CSMD1: variants seen among roughly 807,000 people sequenced by gnomAD.
CSMD1 encodes CUB and sushi domain-containing protein 1.
In CSMD1, 213 loss-of-function variants were observed where a neutral mutation model predicts 417.5. That is an observed-to-expected ratio of 0.51 (90% CI 0.46 to 0.57). CSMD1 has a LOEUF of 0.57. Among genes scored for constraint, CSMD1 ranks in the 20% least tolerant of loss-of-function variants. The pLI is 0.00. For synonymous variants in CSMD1, 2,862 were observed against 1,736.8 expected (o/e 1.65, Z -16.11); for missense variants, 6,923 against 4,529.7 (o/e 1.53, Z -15.17).
chr8:3,187,660 T>TC (rs1313322741), intron 36 of CSMD1, among the ~76,000 whole-genome samples: 2 of 152,098 alleles, frequency 1.3e-5, no homozygotes, highest in Non-Finnish European at 2.9e-5. Flanking sequence ...TTTAGATTGG[T>TC]CTCCTCCTCG....
At chr8:4,557,606 T>G (rs2130595905) in intron 2 of CSMD1, among the ~76,000 whole-genome samples, 1 of 149,160 alleles carries the variant, frequency 6.7e-6, no homozygotes, top group African/African-American at 2.5e-5. Context: ...TTTGGGGAGG[T>G]GGGGGAAGGG....
At chr8:4,955,741 C>T (rs1809057726) in intron 1 of CSMD1, among the ~76,000 whole-genome samples, 1 of 143,582 alleles carries the variant, frequency 7.0e-6, no homozygotes, top group African/African-American at 2.5e-5. Flanking sequence ...CAGGCGTGAG[C>T]CACCACGCCC....
chr8:3,463,241 C>G (rs893601150), intron 12 of CSMD1, among the ~76,000 whole-genome samples: 1 of 152,174 alleles, frequency 6.6e-6, no homozygotes, highest in African/African-American at 2.4e-5. Flanking sequence ...GCCTTACAGA[C>G]GATTCCAAGC....
chr8:3,966,285 G>C (rs995940238), intron 5 of CSMD1, among the ~76,000 whole-genome samples: 1 of 152,070 alleles, frequency 6.6e-6, no homozygotes, highest in Admixed American at 6.6e-5. Flanking sequence ...AATGCAGAGG[G>C]GCTTGGACAG....
At chr8:3,485,721 C>G (rs1817990185) in intron 11 of CSMD1, among the ~76,000 whole-genome samples, 3 of 150,664 alleles carry the variant, frequency 2.0e-5, no homozygotes, top group Admixed American at 6.6e-5. Flanking sequence ...GATTGTGCCA[C>G]TGCACTACAG....
rs943206723 is a variant in CSMD1 at position 4,543,258 on chromosome 8, G to T, written c.302+94084C>A. On this transcript the variant is annotated intron_variant, in intron 2 of 69. Coordinates refer to ENST00000635120, the MANE Select transcript of CSMD1 (RefSeq NM_033225.6). The stretch of plus-strand genomic sequence containing the variant: ...CACCATTACAGAATCACATCTGACG[G>T]TGTGGACTGCCCTAAAGATCCCCAA... Among the ~76,000 whole-genome samples the T allele has an allele frequency of 2.4e-4, 37 of 152,230 alleles. No individual in the cohort carries two copies. In the South Asian group the frequency reaches 4.8e-3, roughly 20 times the overall value.
intron 5 of CSMD1, among the ~76,000 whole-genome samples, chr8:3,762,053 T>C (rs1469107822): frequency 1.3e-5 from 2 of 152,098 alleles, no homozygotes; most frequent in Admixed American, 1.3e-4. Context: ...TATAGTCAAT[T>C]TTTTAAATGA....
intron 1 of CSMD1, among the ~76,000 whole-genome samples, chr8:4,851,545 C>A (rs1801484034): frequency 6.6e-6 from 1 of 151,986 alleles, no homozygotes; most frequent in Admixed American, 6.6e-5. Context: ...GGTAGTCTAC[C>A]CCCATAGGTT....
intron 23 of CSMD1, among the ~76,000 whole-genome samples, chr8:3,312,954 A>G (rs145743948): frequency 2.4e-4 from 36 of 152,324 alleles, no homozygotes; most frequent in African/African-American, 8.2e-4. Context: ...TGTGTGTTTA[A>G]AGACTAGAAT....
At chr8:4,366,109 C>G (rs1208119565) in intron 3 of CSMD1, among the ~76,000 whole-genome samples, 2 of 152,036 alleles carry the variant, frequency 1.3e-5, no homozygotes, top group East Asian at 3.9e-4. Context: ...GTACCCGGCA[C>G]CTGTTGTTCC....
At chr8:4,371,182 AG>A (rs1802373793) in intron 3 of CSMD1, among the ~76,000 whole-genome samples, 1 of 152,078 alleles carries the variant, frequency 6.6e-6, no homozygotes, top group Non-Finnish European at 1.5e-5. Context: ...TGGATACTTT[AG>A]GGGTCAAGGC....
chr8:3,094,934 T>G (rs1266090704), intron 47 of CSMD1, among the ~76,000 whole-genome samples: 1 of 152,086 alleles, frequency 6.6e-6, no homozygotes, highest in East Asian at 1.9e-4. Context: ...AGAAAAAACT[T>G]TAAGACCAGA....
rs10094058 is a variant in CSMD1, at chr8:3,984,107, A to G, written c.818+13796T>C. Among the ~76,000 whole-genome samples, 15 of 124,008 alleles carry G rather than the reference A, an allele frequency of 1.2e-4. 1 individual carries two copies. The East Asian group carries it at 1.5e-3, about 12-fold the overall frequency. 81.4% of individuals were successfully genotyped at this position (124,008 alleles called of 152,430 possible). A position where few individuals can be genotyped will look rare whatever the true frequency, so the allele number is the denominator to read the frequency against. On this transcript the variant is annotated intron_variant, in intron 5 of 69. Coordinates refer to ENST00000635120, the MANE Select transcript of CSMD1 (RefSeq NM_033225.6). ...AGATCTAACAGGGCTGTCAATAGCA[A>G]CTCTAGAGCACACAGCAGATCTGAT...
chr8:3,348,747 C>A (rs1808184062), intron 21 of CSMD1, among the ~76,000 whole-genome samples: 1 of 152,154 alleles, frequency 6.6e-6, no homozygotes, highest in African/African-American at 2.4e-5. Flanking sequence ...CTCCCTCTTT[C>A]CCAATGAAGG....
chr8:3,052,408 C>T (rs1811878293), intron 50 of CSMD1, 54 bp downstream of exon 50: 4 of 1,422,950 alleles, frequency 2.8e-6, no homozygotes. Flanking sequence ...CTCCCGAAAG[C>T]ATTCAGTTCC....
At chr8:3,746,062 G>A (rs1797051547) in intron 6 of CSMD1, among the ~76,000 whole-genome samples, 1 of 151,488 alleles carries the variant, frequency 6.6e-6, no homozygotes, top group African/African-American at 2.5e-5. Context: ...CCTACAAGAG[G>A]TACACACGGA....
At chr8:4,193,824 G>T (rs1392360627) in intron 3 of CSMD1, among the ~76,000 whole-genome samples, 2 of 152,028 alleles carry the variant, frequency 1.3e-5, no homozygotes, top group Non-Finnish European at 2.9e-5. Flanking sequence ...CAGGAAAACA[G>T]AATACAGTTC....
At chr8:4,110,085 G>C (rs185936087) in intron 3 of CSMD1, among the ~76,000 whole-genome samples, 1 of 152,112 alleles carries the variant, frequency 6.6e-6, no homozygotes, top group South Asian at 2.1e-4. Flanking sequence ...GGAATAATAA[G>C]CTTTCCTCCA....
intron 2 of CSMD1, among the ~76,000 whole-genome samples, chr8:4,455,046 T>C (rs1040292526): frequency 6.6e-6 from 1 of 152,084 alleles, no homozygotes; most frequent in African/African-American, 2.4e-5. Context: ...CAACACAATA[T>C]CACCATGTTT....
Sources: allele counts gnomAD v4.1 joint callset (sites outside exome capture counted in the v4.1 genomes callset), GRCh38; gene constraint gnomAD v4.1.1; transcripts MANE v1.5; gene names NCBI Gene and HGNC (gene_info 2026-07-23, HGNC 2026-07-21).